Variants in EML6 observed in about 807,000 individuals in gnomAD.
EML6 encodes echinoderm microtubule-associated protein-like 6.
In EML6, 154 loss-of-function variants were observed where a neutral mutation model predicts 240.1. The ratio of observed to expected loss-of-function variants is 0.64; its 90% CI spans 0.56 to 0.73. The LOEUF is 0.73. Ranked by LOEUF, EML6 falls within the 30% of genes least tolerant of loss-of-function variation. The probability of loss-of-function intolerance (pLI) is 0.00; values close to 1 mark genes in which losing one functional copy is unlikely to be tolerated. For missense variants in EML6, 2,964 were observed against 2,474.6 expected (o/e 1.20, Z -4.20); for synonymous variants, 1,148 against 899.0 (o/e 1.28, Z -4.95).
intron 28 of EML6, among the ~76,000 whole-genome samples, chr2:54,945,390 C>G (rs1421780059): frequency 6.7e-6 from 1 of 150,078 alleles, no homozygotes; most frequent in Non-Finnish European, 1.5e-5. Flanking sequence ...AAAGCTGTTT[C>G]CTCCAAGGAC....
chr2:54,790,503 C>A (rs1214449067), intron 2 of EML6, among the ~76,000 whole-genome samples: 1 of 152,122 alleles, frequency 6.6e-6, no homozygotes, highest in Non-Finnish European at 1.5e-5. Flanking sequence ...CAACACCATA[C>A]TCTATTGTCA....
intron 2 of EML6, among the ~76,000 whole-genome samples, chr2:54,735,821 T>A (rs1683364503): frequency 6.6e-6 from 1 of 152,264 alleles, no homozygotes; most frequent in South Asian, 2.1e-4. Context: ...AGTCCAGATG[T>A]CTGCAGAGAT....
chr2:54,900,587 G>A (rs954078677), intron 22 of EML6, among the ~76,000 whole-genome samples: 6 of 152,306 alleles, frequency 3.9e-5, no homozygotes, highest in East Asian at 1.9e-4. Context: ...GAGAAGCCAC[G>A]ACTGATAGCA....
intron 2 of EML6, among the ~76,000 whole-genome samples, chr2:54,795,062 G>GT (rs1669686097): frequency 6.6e-6 from 1 of 152,092 alleles, no homozygotes; most frequent in Non-Finnish European, 1.5e-5. Context: ...TTTTTTGTTT[G>GT]TTTGTTTTTC....
At chr2:54,896,489 A>T (rs372460637) in intron 21 of EML6, among the ~76,000 whole-genome samples, 1 of 152,204 alleles carries the variant, frequency 6.6e-6, no homozygotes, top group African/African-American at 2.4e-5. Context: ...CACCTCAAGG[A>T]TGGGGATGTG....
At chr2:54,879,984 C>G in intron 17 of EML6, 1 of 190,714 alleles carries the variant, frequency 5.2e-6, no homozygotes, top group Non-Finnish European at 1.1e-5. Context: ...TCTGTCCTAG[C>G]ATCTGGTGAA....
chr2:54,932,227 C>A (rs895198752), intron 28 of EML6, among the ~76,000 whole-genome samples: 1 of 152,220 alleles, frequency 6.6e-6, no homozygotes, highest in East Asian at 1.9e-4. Context: ...CCAGTTACTC[C>A]AGCTTTCCTC....
At chr2:54,947,835 G>A (rs1358621641) in intron 28 of EML6, among the ~76,000 whole-genome samples, 1 of 152,176 alleles carries the variant, frequency 6.6e-6, no homozygotes, top group African/African-American at 2.4e-5. Flanking sequence ...GTAGACTGGT[G>A]CACTCTTTCA....
At chr2:54,880,395 T>C (rs1671753095) in intron 17 of EML6, 1 of 152,240 alleles carries the variant, frequency 6.6e-6, no homozygotes, top group African/African-American at 2.4e-5. Context: ...TCTTGCGATA[T>C]AAAATCATTT....
At chr2:54,893,818 T>G (rs1181016618) in intron 19 of EML6, among the ~76,000 whole-genome samples, 1 of 152,192 alleles carries the variant, frequency 6.6e-6, no homozygotes, top group Non-Finnish European at 1.5e-5. Context: ...CTGTAACGGT[T>G]GTTTTGCTGG....
intron 2 of EML6, among the ~76,000 whole-genome samples, chr2:54,810,628 A>C (rs183757644): frequency 6.6e-6 from 1 of 152,134 alleles, no homozygotes; most frequent in African/African-American, 2.4e-5. Flanking sequence ...CTCATTCTTC[A>C]TTTTCTAGTC....
chr2:54,840,428 A>G (rs1669383166), intron 7 of EML6, among the ~76,000 whole-genome samples: 1 of 152,260 alleles, frequency 6.6e-6, no homozygotes, highest in Admixed American at 6.5e-5. Context: ...ACACATATAC[A>G]TTTGCATCAC....
At position 54,929,435 on chromosome 2, in the gene EML6, C is replaced by T. The variant is rs112959238; in HGVS notation, c.4004+684C>T. Among the ~76,000 whole-genome samples the T allele has an allele frequency of 9.1e-3, 1,389 of 152,298 alleles. 17 individuals carry two copies. The highest frequency in any genetic ancestry group is 0.031 in the African/African-American group (1,308 of 41,546). On this transcript the variant is annotated intron_variant, in intron 28 of 41. Coordinates refer to ENST00000356458, the MANE Select transcript of EML6 (RefSeq NM_001039753.4). ...AGAATTACTATATTACTTAATTTAT[C>T]ATATTCATGCTAAGAGTGGATATTG...
Position 54,967,068 on chromosome 2 carries a change from G to C in EML6, c.5562G>C (p.Val1854=), listed in dbSNP as rs1416491373. The change falls in exon 39 of 42, where the codon GTG becomes GTC. Residue 1854 remains valine, a synonymous_variant. Transcript: ENST00000356458. ...VPLGKQVTEA[V]VIEKITWASW... ...TGGGGAAGCAGGTAACTGAAGCCGT[G>C]GTCATTGAGAAGATCACCTGGGCCT... The C allele has an allele frequency of 6.4e-7, 1 of 1,551,324 alleles. No individual in the cohort carries two copies.
chr2:54,915,109 C>T (rs1267996864), intron 25 of EML6, among the ~76,000 whole-genome samples: 2 of 152,214 alleles, frequency 1.3e-5, no homozygotes, highest in Admixed American at 1.3e-4. Context: ...GCATTTTCAA[C>T]AAGTTTATTT....
chr2:54,891,180 A>G (rs774799917), intron 18 of EML6, 26 bp downstream of exon 18: 8 of 1,197,736 alleles, frequency 6.7e-6, no homozygotes, highest in Non-Finnish European at 9.5e-6. Context: ...TTTATCATTT[A>G]TGTGATTGAG....
At chr2:54,914,288 A>G (rs796850936) in intron 25 of EML6, among the ~76,000 whole-genome samples, 34 of 152,288 alleles carry the variant, frequency 2.2e-4, no homozygotes, top group African/African-American at 7.9e-4. Context: ...TCTTAACCCA[A>G]AGGCATCTAT....
Position 54,833,541 on chromosome 2 carries a change from G to A in EML6, c.847+4064G>A, listed in dbSNP as rs147398935. ...CAATTAACCCCACTTTAGGTTAAGCGTGAATGATTGGAGATGGGTCACATT... is the reference window on the plus strand; with the variant it reads ...CAATTAACCCCACTTTAGGTTAAGCATGAATGATTGGAGATGGGTCACATT... On this transcript the variant is annotated intron_variant, in intron 7 of 41. Transcript: ENST00000356458. Among the ~76,000 whole-genome samples the A allele has an allele frequency of 1.3e-4, 20 of 152,314 alleles. No homozygotes were observed. The East Asian group carries it at 2.5e-3, about 19-fold the overall frequency.
chr2:54,933,353 T>C (rs1203991675), intron 28 of EML6, among the ~76,000 whole-genome samples: 1 of 152,154 alleles, frequency 6.6e-6, no homozygotes, highest in African/African-American at 2.4e-5. Flanking sequence ...CCAGAGGTGA[T>C]TTGGACAGAC....
Sources: allele counts gnomAD v4.1 joint callset (sites outside exome capture counted in the v4.1 genomes callset), GRCh38; gene constraint gnomAD v4.1.1; transcripts MANE v1.5; gene names NCBI Gene and HGNC (gene_info 2026-07-23, HGNC 2026-07-21).